The following MBNL2 variants were observed in gnomAD, a reference collection of about 807,000 sequenced individuals.
MBNL2 encodes muscleblind-like protein 2.
Under a neutral mutation model 41.9 loss-of-function variants are expected in MBNL2, and 17 were observed. The ratio of observed to expected loss-of-function variants is 0.41; its 90% CI spans 0.28 to 0.61. The LOEUF is 0.61. Ranked by LOEUF, MBNL2 falls within the 20% of genes least tolerant of loss-of-function variation. MBNL2 has a pLI of 0.35. For synonymous variants in MBNL2, 195 were observed against 182.9 expected (o/e 1.07, Z -0.53); for missense variants, 336 against 505.6 (o/e 0.66, Z 3.22).
the MBNL2 span, among the ~76,000 whole-genome samples, chr13:97,145,957 CTCTTTTCTTT>C: frequency 0.054 from 7,778 of 143,940 alleles, 417 homozygotes; most frequent in African/African-American, 0.14. Context: ...CAGGGTTCTA[CTCTTTTCTTT>C]TCTTTTCTTT....
intron 1 of MBNL2, among the ~76,000 whole-genome samples, chr13:97,228,746 T>C (rs1473206989): frequency 6.6e-6 from 1 of 151,854 alleles, no homozygotes; most frequent in East Asian, 1.9e-4. Flanking sequence ...GCCAGGGTAG[T>C]CTCGAACTCC....
intron 2 of MBNL2, among the ~76,000 whole-genome samples, chr13:97,320,102 T>C (rs2059378114): frequency 6.6e-6 from 1 of 152,112 alleles, no homozygotes. Flanking sequence ...TAACATTTGT[T>C]AGAGGTGGCT....
At chr13:97,233,109 C>G (rs761160383) in intron 1 of MBNL2, among the ~76,000 whole-genome samples, 1 of 126,466 alleles carries the variant, frequency 7.9e-6, no homozygotes, top group Non-Finnish European at 1.7e-5. Flanking sequence ...TTGATGCTCT[C>G]GCTTCAGGCT....
chr13:97,379,013 G>C (rs954885719), intron 8 of MBNL2, among the ~76,000 whole-genome samples: 1 of 152,080 alleles, frequency 6.6e-6, no homozygotes, highest in Middle Eastern at 3.4e-3. Context: ...TGCAAATCCT[G>C]TTCTTTTGTG....
At chr13:97,231,765 G>A (rs2042407390) in intron 1 of MBNL2, among the ~76,000 whole-genome samples, 1 of 152,054 alleles carries the variant, frequency 6.6e-6, no homozygotes, top group African/African-American at 2.4e-5. Flanking sequence ...CTGCCTCCAG[G>A]GAAGGCTGTT....
chr13:97,290,706 GAAAC>G (rs2055754772), intron 2 of MBNL2, among the ~76,000 whole-genome samples: 3 of 146,222 alleles, frequency 2.1e-5, no homozygotes, highest in African/African-American at 5.0e-5. Flanking sequence ...AAAAAAGAAA[GAAAC>G]AGCCCTCCTT....
chr13:97,224,202 C>G (rs2041241654), intron 1 of MBNL2, among the ~76,000 whole-genome samples: 1 of 152,162 alleles, frequency 6.6e-6, no homozygotes, highest in South Asian at 2.1e-4. Flanking sequence ...GGTGGATGGT[C>G]CCCGGGGCCC....
the MBNL2 span, among the ~76,000 whole-genome samples, chr13:97,174,024 G>A: frequency 6.6e-6 from 1 of 152,172 alleles, no homozygotes; most frequent in Non-Finnish European, 1.5e-5. Flanking sequence ...AAAGGCAAGA[G>A]CCAGATACTG....
At chr13:97,231,091 G>A (rs1409543856) in intron 1 of MBNL2, among the ~76,000 whole-genome samples, 1 of 152,168 alleles carries the variant, frequency 6.6e-6, no homozygotes, top group African/African-American at 2.4e-5. Flanking sequence ...TGTTCTCAAA[G>A]ACCCTGGGGA....
intron 5 of MBNL2, among the ~76,000 whole-genome samples, chr13:97,348,902 A>G (rs929577836): frequency 8.5e-5 from 13 of 152,210 alleles, no homozygotes; most frequent in African/African-American, 3.1e-4. Flanking sequence ...TGGACCTGTG[A>G]TCAGTGATAG....
At chr13:97,242,994 C>T (rs947382098) in intron 1 of MBNL2, among the ~76,000 whole-genome samples, 9 of 152,194 alleles carry the variant, frequency 5.9e-5, no homozygotes, top group African/African-American at 2.2e-4. Flanking sequence ...CCTGTGCAGG[C>T]GTCTCCTTCT....
At chr13:97,359,549 TAA>T (rs1326885136) in intron 7 of MBNL2, among the ~76,000 whole-genome samples, 3 of 152,230 alleles carry the variant, frequency 2.0e-5, no homozygotes, top group African/African-American at 7.2e-5. Context: ...AAAGCAAGGA[TAA>T]ACAACATCCC....
the MBNL2 span, among the ~76,000 whole-genome samples, chr13:97,150,645 T>C: frequency 3.9e-5 from 6 of 152,150 alleles, no homozygotes; most frequent in African/African-American, 1.2e-4. Context: ...TGACCAACAA[T>C]TGGGGCTGTT....
Position 97,339,874 on chromosome 13 carries a change from CGG to C in MBNL2, c.340-3135_340-3134del, listed in dbSNP as rs576577245. On this transcript the variant is annotated intron_variant, in intron 3 of 8. Coordinates refer to ENST00000679496, the MANE Select transcript of MBNL2 (RefSeq NM_001382683.1). Reference sequence around the variant, plus strand: ...TACGGGCAACTGATTTGTGTGTGGGCGGGGGGGGCGTTGTTTTTCCTCTTTTG... The same window carrying C: ...TACGGGCAACTGATTTGTGTGTGGGCGGGGGGCGTTGTTTTTCCTCTTTTG... Among the ~76,000 whole-genome samples the C allele has an allele frequency of 9.0e-5, 10 of 110,684 alleles. 1 individual carries two copies. The highest frequency in any genetic ancestry group is 4.5e-4 in the African/African-American group (10 of 21,984). The allele number at this position is 110,684 out of a possible 152,430, so 72.6% of individuals were successfully genotyped here.
chr13:97,197,468 T>C, the MBNL2 span, among the ~76,000 whole-genome samples: 1 of 152,222 alleles, frequency 6.6e-6, no homozygotes, highest in African/African-American at 2.4e-5. Flanking sequence ...CCTGGAACAG[T>C]ATTGATAATC....
At chr13:97,238,527 G>C (rs1193662399) in intron 1 of MBNL2, among the ~76,000 whole-genome samples, 10 of 152,172 alleles carry the variant, frequency 6.6e-5, no homozygotes, top group Admixed American at 6.5e-4. Flanking sequence ...AGATCCTAAA[G>C]AAAGTTCAAT....
intron 1 of MBNL2, among the ~76,000 whole-genome samples, chr13:97,263,483 G>A (rs571957885): frequency 1.1e-3 from 168 of 152,250 alleles, no homozygotes; most frequent in Non-Finnish European, 1.6e-3. Flanking sequence ...GGGACATGGT[G>A]GAAACTTAAA....
intron 2 of MBNL2, among the ~76,000 whole-genome samples, chr13:97,279,605 A>C (rs1385792004): frequency 6.6e-6 from 1 of 152,238 alleles, no homozygotes; most frequent in Admixed American, 6.5e-5. Flanking sequence ...ACAAGAAAAA[A>C]GATTTGGGGG....
At chr13:97,309,412 C>A (rs1483966174) in intron 2 of MBNL2, among the ~76,000 whole-genome samples, 1 of 152,118 alleles carries the variant, frequency 6.6e-6, no homozygotes, top group Non-Finnish European at 1.5e-5. Context: ...TCCAATATGA[C>A]TGGTGTCCTT....
Sources: gnomAD v4.1 joint callset for allele counts (sites outside exome capture counted in the v4.1 genomes callset) on GRCh38, gnomAD v4.1.1 for gene constraint, MANE v1.5 for transcripts, NCBI Gene and HGNC (gene_info 2026-07-23, HGNC 2026-07-21) for gene names.